The following MUC6 variants were observed in gnomAD, a reference collection of about 807,000 sequenced individuals.
MUC6 encodes mucin-6.
Under a neutral mutation model 201.5 loss-of-function variants are expected in MUC6, and 188 were observed. The ratio of observed to expected loss-of-function variants is 0.93; its 90% CI spans 0.83 to 1.05. The LOEUF (loss-of-function observed/expected upper bound fraction) is 1.05. Among genes scored for constraint, MUC6 ranks in the 50% least tolerant of loss-of-function variants. The pLI is 0.00. For missense variants in MUC6, 2,706 were observed against 3,256.9 expected (o/e 0.83, Z 4.12); for synonymous variants, 1,228 against 1,389.4 (o/e 0.88, Z 2.58).
At position 1,018,877 on chromosome 11, in the gene MUC6, C is replaced by T. The variant is rs779596019; in HGVS notation, c.4031-107G>A. The stretch of plus-strand genomic sequence containing the variant: ...TGACCTTTTTCTTGCCTGTCTGTGC[C>T]TCTGTTCCTGTGACATGGCCCCTGC... On this transcript the variant is annotated intron_variant, in intron 30 of 32. Coordinates refer to ENST00000421673, the MANE Select transcript of MUC6 (RefSeq NM_005961.3). 13 of 1,415,906 alleles carry T rather than the reference C, an allele frequency of 9.2e-6. No homozygotes were observed. In the African/African-American group the frequency reaches 1.0e-4, roughly 11 times the overall value. The allele number at this position is 1,415,906 out of a possible 1,614,324, so 87.7% of individuals were successfully genotyped here.
At chr11:1,015,000 C>T (rs572665128) in intron 31 of MUC6, among the ~76,000 whole-genome samples, 7 of 152,388 alleles carry the variant, frequency 4.6e-5, no homozygotes, top group Middle Eastern at 3.4e-3. Flanking sequence ...TGAGAGACCA[C>T]GAAGGCAACT....
At position 1,033,708 on chromosome 11, in the gene MUC6, G is replaced by T. The variant is rs1384475711; in HGVS notation, c.53-633C>A. Among the ~76,000 whole-genome samples, 1 of 152,050 alleles carries T rather than the reference G, an allele frequency of 6.6e-6. No homozygotes were observed. The highest frequency in any genetic ancestry group is 1.5e-5 in the Non-Finnish European group (1 of 67,968). On this transcript the variant is annotated intron_variant, in intron 1 of 32. Coordinates refer to ENST00000421673, the MANE Select transcript of MUC6 (RefSeq NM_005961.3). The surrounding 1 kb of genome is among the most constrained non-coding windows in gnomAD (Gnocchi z 5.6). The stretch of plus-strand genomic sequence containing the variant: ...GGGACGTCCCACCCTGACTCCCAGA[G>T]GCTGGGGTGGGGCCAACACCCCCCA...
Position 1,029,615 on chromosome 11 carries a change from C to CCTGCA in MUC6, c.1016-5_1016-1dup (p.Gly339ValfsTer6). The CCTGCA allele has an allele frequency of 6.3e-7, 1 of 1,576,104 alleles. No homozygotes were observed. Among genetic ancestry groups the CCTGCA allele is most frequent in the Non-Finnish European group, 8.6e-7 (1 of 1,157,202 alleles). Reference sequence around the variant, plus strand: ...ATTGGAGAGGTCATTCAGGACCGTACCTGCAGGAGAGGGTCTTCTTGGGGC... The same window carrying CCTGCA: ...ATTGGAGAGGTCATTCAGGACCGTACCTGCACTGCAGGAGAGGGTCTTCTTGGGGC... On this transcript the variant is annotated frameshift_variant and splice_region_variant. Transcript: ENST00000421673. LOFTEE classifies it high-confidence loss of function.
In MUC6 at chr11:1,023,845, G is replaced by A. The variant is rs1308269576; in HGVS notation, c.3382+102C>T. 6.4e-5 allele frequency: 95 copies of A among 1,492,104 alleles called. No individual in the cohort carries two copies. The East Asian group carries it at 2.2e-3, about 35-fold the overall frequency. 92.4% of individuals were successfully genotyped at this position (1,492,104 alleles called of 1,614,324 possible). ...CCCCGCAGGGCACAGCCCGGCGCCTGTCCAGGGAGAGGGGCCTGTGGGCAA... is the reference window on the plus strand; with the variant it reads ...CCCCGCAGGGCACAGCCCGGCGCCTATCCAGGGAGAGGGGCCTGTGGGCAA... On this transcript the variant is annotated intron_variant, in intron 25 of 32. Transcript: ENST00000421673.
In MUC6 at chr11:1,013,521, G is replaced by C. The variant is rs370335327; in HGVS notation, c.7255C>G (p.Arg2419Gly). ...AACACCTGCAGGGTGAGTACGAGCC[G>C]CCGGCCAGGCGTGCTGGGATCGGGG... ...PCPDPSTPGR[R>G]LVLTLQVFSH... is the part of the protein sequence containing the mutation. Residue 2419 changes from arginine (R) to glycine (G), a missense_variant, in exon 33 of 33, where the codon CGG (arginine) becomes GGG (glycine). Transcript: ENST00000421673. The C allele has an allele frequency of 7.6e-6, 12 of 1,581,692 alleles. No individual in the cohort carries two copies. The highest frequency in any genetic ancestry group is 1.0e-5 in the Non-Finnish European group (12 of 1,165,456).
chr11:1,020,105 T>C lies in MUC6; in HGVS notation c.3793A>G (p.Thr1265Ala). 1 of 1,613,430 alleles carries C rather than the reference T, an allele frequency of 6.2e-7. No homozygotes were observed. Among genetic ancestry groups the C allele is most frequent in the Non-Finnish European group, 8.5e-7 (1 of 1,179,818 alleles). The change falls in exon 29 of 33, where the codon ACA (threonine) becomes GCA (alanine). Residue 1265 changes from threonine to alanine, a missense_variant. By Grantham distance (58) the Thr-to-Ala change is moderately conservative. This residue lies in a region of MUC6 where 1,850 missense variants were observed against 1,958.3 expected (regional missense o/e 0.94). Transcript: ENST00000421673. ...GGCTCCTTACCTCCCGAGGAGGCTG[T>C]GGGCTTGGAGGATGTGAGCGTGGCT... ...LPATLTSSKPTASSGEPPRPT... is the reference protein window; with the variant it reads ...LPATLTSSKPAASSGEPPRPT...
At position 1,030,289 on chromosome 11, in the gene MUC6, C is replaced by T. The variant is rs879169964; in HGVS notation, c.939G>A (p.Ser313=). The T allele has an allele frequency of 1.2e-5, 19 of 1,549,510 alleles. No individual in the cohort carries two copies. The highest frequency in any genetic ancestry group is 1.8e-4 in the Middle Eastern group (1 of 5,434). ...GGTTGGAGCAGGTCTTCACGCAGGC[C>T]GAGCCGCACTCCTGGTACACCTGGT... ...PANQVYQECG[S]ACVKTCSNPQ... The change falls in exon 8 of 33, where the codon TCG becomes TCA. Residue 313 remains serine, a synonymous_variant. Transcript: ENST00000421673.
In MUC6 at chr11:1,026,973, T is replaced by C; in HGVS notation, c.2362A>G (p.Thr788Ala). 6.3e-7 allele frequency: 1 copy of C among 1,598,268 alleles called. No individual in the cohort carries two copies. Among genetic ancestry groups the C allele is most frequent in the Non-Finnish European group, 8.5e-7 (1 of 1,173,256 alleles). Residue 788 changes from threonine to alanine, a missense_variant, in exon 19 of 33, where the codon ACA becomes GCA. This residue lies in a region of MUC6 where 1,850 missense variants were observed against 1,958.3 expected (regional missense o/e 0.94). Transcript: ENST00000421673. ...ENKFGAACAP[T>A]CQMLATGVAC... is the part of the protein sequence containing the mutation. ...ACACCGGTGGCCAGCATCTGGCATG[T>C]GGGGGCACAGGCTGCCCCAAACTTG...
At position 1,025,829 on chromosome 11, in the gene MUC6, T is replaced by C. The variant is rs1394091656; in HGVS notation, c.2775A>G (p.Ser925=). 1 of 1,612,346 alleles carries C rather than the reference T, an allele frequency of 6.2e-7. No individual in the cohort carries two copies. Among genetic ancestry groups the C allele is most frequent in the Non-Finnish European group, 8.5e-7 (1 of 1,179,534 alleles). Residue 925 remains serine (S), a synonymous_variant, in exon 22 of 33, where the codon TCA becomes TCG. Coordinates refer to ENST00000421673, the MANE Select transcript of MUC6 (RefSeq NM_005961.3). The part of the protein sequence containing the change: ...VICGNSGVTC[S]RAIKIFLGGL... The stretch of plus-strand genomic sequence containing the variant: ...CCCCCAGGAAGATCTTGATGGCCCG[T>C]GAGCATGTGACCCCGGAGTTCCCAC...
At position 1,016,335 on chromosome 11, in the gene MUC6, A is replaced by G. The variant is rs1455348439; in HGVS notation, c.6466T>C (p.Ser2156Pro). 2.5e-6 allele frequency: 4 copies of G among 1,611,520 alleles called. No individual in the cohort carries two copies. Among genetic ancestry groups the G allele is most frequent in the Non-Finnish European group, 2.5e-6 (3 of 1,178,814 alleles). ...GAGGAAGATGTGCCAACAGAAGGCG[A>G]TGAAGTCTGGGGAGAGGAGTGGGAG... is the stretch of plus-strand genomic sequence containing the variant. Reference protein sequence around the residue: ...PSSHSSPQTSSPSVGTSSSFV... With the variant: ...PSSHSSPQTSPPSVGTSSSFV... The change falls in exon 31 of 33, where the codon TCG becomes CCG. Residue 2156 changes from serine (S) to proline (P), a missense_variant. Physicochemically the swap from Ser to Pro is moderately conservative, Grantham distance 74 (BLOSUM62 -1). Transcript: ENST00000421673.
rs756658335 is a variant in MUC6 at position 1,029,637 on chromosome 11, G to C, written c.1016-22C>G. The C allele has an allele frequency of 3.2e-6, 5 of 1,551,498 alleles. No homozygotes were observed. In the Admixed American group the frequency reaches 9.2e-5, roughly 29 times the overall value. Reference sequence around the variant, plus strand: ...GTACCTGCAGGAGAGGGTCTTCTTGGGGCTTGGGTGGGACTGACTGCCTCC... The same window carrying C: ...GTACCTGCAGGAGAGGGTCTTCTTGCGGCTTGGGTGGGACTGACTGCCTCC... On this transcript the variant is annotated intron_variant, in intron 8 of 32. Coordinates refer to ENST00000421673, the MANE Select transcript of MUC6 (RefSeq NM_005961.3).
At chr11:1,020,573 A>T in intron 28 of MUC6, 111 bp downstream of exon 28, 1 of 1,464,606 alleles carries the variant, frequency 6.8e-7, no homozygotes, top group African/African-American at 1.4e-5. Context: ...AGAAGGGCAC[A>T]GGTACTGCCT....
chr11:1,014,130 G>A (rs1431318424), intron 31 of MUC6, 129 bp from the exon 32 acceptor site: 7 of 746,330 alleles, frequency 9.4e-6, no homozygotes, highest in African/African-American at 1.7e-5. Context: ...GTCTCCCCTT[G>A]TGGAGCCCCA....
intron 32 of MUC6, 100 bp from the exon 33 acceptor site, chr11:1,013,733 G>T (rs749415464): frequency 5.6e-6 from 8 of 1,423,562 alleles, no homozygotes; most frequent in Non-Finnish European, 7.6e-6. Context: ...GGACCTCCCC[G>T]CTGAGCTCCC....
intron 14 of MUC6, 56 bp from the exon 15 acceptor site, chr11:1,028,115 C>T: frequency 1.9e-6 from 3 of 1,542,958 alleles, no homozygotes; most frequent in East Asian, 2.4e-5. Flanking sequence ...AGCTACGGCT[C>T]CTCCCAGGGA....
intron 31 of MUC6, among the ~76,000 whole-genome samples, chr11:1,015,346 C>T (rs1856578209): frequency 6.6e-6 from 1 of 152,222 alleles, no homozygotes; most frequent in South Asian, 2.1e-4. Context: ...TTGTGTCTCT[C>T]TCTGCACTTG....
intron 5 of MUC6, 30 bp from the exon 6 acceptor site, chr11:1,031,086 G>A (rs749654076): frequency 7.8e-6 from 12 of 1,546,136 alleles, no homozygotes; most frequent in Admixed American, 2.0e-5. Context: ...TCAGCACCGT[G>A]GGGGCTGGGC....
At position 1,028,923 on chromosome 11, in the gene MUC6, G is replaced by T. The variant is rs770588946; in HGVS notation, c.1419C>A (p.Asn473Lys). Residue 473 changes from asparagine (N) to lysine (K), a missense_variant, in exon 12 of 33, where the codon AAC becomes AAA. Asn to Lys is a moderately conservative substitution (Grantham distance 94, BLOSUM62 0). Around this residue, in one of 10 missense-constraint regions of MUC6, gnomAD observed 1,850 missense variants for 1,958.3 expected, o/e 0.94. Coordinates refer to ENST00000421673, the MANE Select transcript of MUC6 (RefSeq NM_005961.3). The stretch of plus-strand genomic sequence containing the variant: ...ATGGCAGCCACTTGGCTTCTCCGTT[G>T]TTGGTGACCACCTCGTCCTGAGAGA... ...IVISQDEVVT[N>K]NGEAKWLPYK... 3 of 1,613,008 alleles carry T rather than the reference G, an allele frequency of 1.9e-6. No homozygotes were observed. Among genetic ancestry groups the T allele is most frequent in the Middle Eastern group, 3.3e-4 (2 of 6,060 alleles).
At chr11:1,023,398 A>T in intron 26 of MUC6, 111 bp downstream of exon 26, 1 of 1,308,520 alleles carries the variant, frequency 7.6e-7, no homozygotes, top group South Asian at 1.4e-5. Flanking sequence ...GTGTGAATTA[A>T]TGAGCATGAA....
Sources: gnomAD v4.1 joint callset for allele counts (sites outside exome capture counted in the v4.1 genomes callset) on GRCh38, gnomAD v4.1.1 for gene constraint, gnomAD v4.1.1 regional missense constraint, Gnocchi (gnomAD v3.1) non-coding constraint, MANE v1.5 for transcripts, NCBI Gene and HGNC (gene_info 2026-07-23, HGNC 2026-07-21) for gene names.